C14orf93: variants seen among roughly 807,000 people sequenced by gnomAD.
The protein encoded by C14orf93 is chromosome 14 open reading frame 93.
In C14orf93, 23 loss-of-function variants were observed where a neutral mutation model predicts 44.0. The observed-to-expected ratio is 0.52, with a 90% confidence interval of 0.38 to 0.74. C14orf93 has a LOEUF of 0.74. Ranked by LOEUF, C14orf93 falls within the 30% of genes least tolerant of loss-of-function variation. C14orf93 has a pLI of 0.00. For synonymous variants in C14orf93, 253 were observed against 265.7 expected, an observed-to-expected ratio of 0.95 and a Z score of 0.46; for missense variants, 579 against 678.9, an observed-to-expected ratio of 0.85 and a Z score of 1.64.
rs1402891403 is a variant in C14orf93 at position 22,996,408 on chromosome 14, G to A, written c.598-140C>T. 3.6e-6 allele frequency: 3 copies of A among 834,362 alleles called. No homozygotes were observed. The highest frequency in any genetic ancestry group is 5.3e-6 in the Non-Finnish European group (3 of 561,752). The allele number at this position is 834,362 out of a possible 1,614,324, so 51.7% of individuals were successfully genotyped here. ...CACAGTCTTTAATGGTCAATGGCTT[G>A]TTTCTCTGGGACTCCTATGAGTGTT... On this transcript the variant is annotated intron_variant, in intron 2 of 6. Transcript: ENST00000299088. This position sits in a 1 kb window ranked among gnomAD's most constrained non-coding sequence, Gnocchi z 4.1.
rs970506208 is a variant in C14orf93, at chr14:22,996,291, C to G, written c.598-23G>C. 14 of 1,520,850 alleles carry G rather than the reference C, an allele frequency of 9.2e-6. No homozygotes were observed. Among genetic ancestry groups the G allele is most frequent in the Non-Finnish European group, 1.2e-5 (14 of 1,131,492 alleles). The allele number at this position is 1,520,850 out of a possible 1,614,324, so 94.2% of individuals were successfully genotyped here. On this transcript the variant is annotated intron_variant, in intron 2 of 6. Transcript: ENST00000299088. The surrounding 1 kb of genome is among the most constrained non-coding windows in gnomAD (Gnocchi z 4.1). ...CAGCTAAGAACATAAAAAATAATAG[C>G]CTATTAGCCAGCCAGGCTTAGGGGA...
chr14:23,005,882 G>C (rs2046598054), intron 1 of C14orf93: 1 of 152,108 alleles, frequency 6.6e-6, no homozygotes. Flanking sequence ...ATTTTTGTTA[G>C]GACTAAATAT....
intron 3 of C14orf93, among the ~76,000 whole-genome samples, chr14:22,991,249 G>A (rs570356722): frequency 3.5e-4 from 52 of 150,064 alleles, no homozygotes; most frequent in Non-Finnish European, 5.9e-4. Flanking sequence ...TTTGCCAGCC[G>A]GGCGCGGTGG....
Position 22,996,395 on chromosome 14 carries a change from T to C in C14orf93, c.598-127A>G, listed in dbSNP as rs2045977214. 4.3e-6 allele frequency: 4 copies of C among 931,180 alleles called. No individual in the cohort carries two copies. The highest frequency in any genetic ancestry group is 1.9e-5 in the South Asian group (1 of 53,346). 57.7% of individuals were successfully genotyped at this position (931,180 alleles called of 1,614,324 possible). On this transcript the variant is annotated intron_variant, in intron 2 of 6. Transcript: ENST00000299088. The surrounding 1 kb of genome is among the most constrained non-coding windows in gnomAD (Gnocchi z 4.1). ...AGGGGAACTCTAGCACAGTCTTTAATGGTCAATGGCTTGTTTCTCTGGGAC... is the reference window on the plus strand; with the variant it reads ...AGGGGAACTCTAGCACAGTCTTTAACGGTCAATGGCTTGTTTCTCTGGGAC...
At chr14:22,998,404 T>G in intron 2 of C14orf93, 23 bp downstream of exon 2, 1 of 1,499,002 alleles carries the variant, frequency 6.7e-7, no homozygotes, top group Non-Finnish European at 8.9e-7. Flanking sequence ...CTAGGAGGAA[T>G]AGCCCTCTGC....
chr14:22,988,818 C>A (rs1455683696), intron 5 of C14orf93, among the ~76,000 whole-genome samples: 1 of 152,132 alleles, frequency 6.6e-6, no homozygotes, highest in Non-Finnish European at 1.5e-5. Context: ...TGGTGGCTCA[C>A]ACCTGTAATC....
intron 1 of C14orf93, among the ~76,000 whole-genome samples, chr14:23,008,781 C>A (rs1362754553): frequency 2.0e-5 from 3 of 152,230 alleles, no homozygotes; most frequent in Non-Finnish European, 4.4e-5. Flanking sequence ...AAATGAGAAG[C>A]TTTCCATTCT....
intron 5 of C14orf93, 81 bp from the exon 6 acceptor site, chr14:22,988,096 ATTG>A: frequency 1.2e-6 from 1 of 849,754 alleles, no homozygotes; most frequent in South Asian, 1.5e-5. Flanking sequence ...CCCTAACACT[ATTG>A]AATGGGAGGT....
rs1408158650 is a variant in C14orf93 at position 22,989,861 on chromosome 14, G to A, written c.981-16C>T. The A allele has an allele frequency of 1.2e-6, 2 of 1,604,368 alleles. No homozygotes were observed. Among genetic ancestry groups the A allele is most frequent in the Admixed American group, 1.7e-5 (1 of 59,980 alleles). On this transcript the variant is annotated splice_polypyrimidine_tract_variant and intron_variant, in intron 4 of 6. Coordinates refer to ENST00000299088, the MANE Select transcript of C14orf93 (RefSeq NM_021944.4). ...GGACTTGATGCTGCCACAAAGAGAA[G>A]AGAATGAATAAAGTTGTCGGCTTTG...
At chr14:23,004,273 C>T (rs1224025458) in intron 1 of C14orf93, among the ~76,000 whole-genome samples, 2 of 151,078 alleles carry the variant, frequency 1.3e-5, no homozygotes, top group South Asian at 2.1e-4. Flanking sequence ...TGCAGTGGCA[C>T]GATTTCGGCT....
intron 1 of C14orf93, chr14:23,001,108 T>C (rs2046269072): frequency 6.6e-6 from 1 of 152,244 alleles, no homozygotes; most frequent in Admixed American, 6.5e-5. Flanking sequence ...AATTTATAGA[T>C]GAATCACTTA....
chr14:23,006,572 G>A (rs1160374235), intron 1 of C14orf93: 1 of 152,182 alleles, frequency 6.6e-6, no homozygotes. Flanking sequence ...TTTCAGGTTT[G>A]CCTAAAGGAC....
chr14:22,997,224 G>C (rs2046036257), intron 2 of C14orf93, among the ~76,000 whole-genome samples: 1 of 152,162 alleles, frequency 6.6e-6, no homozygotes, highest in Non-Finnish European at 1.5e-5. Flanking sequence ...CACAGACTGG[G>C]GTGAGCAGCA....
intron 5 of C14orf93, 100 bp from the exon 6 acceptor site, chr14:22,988,115 A>C: frequency 1.4e-6 from 1 of 739,834 alleles, no homozygotes; most frequent in Non-Finnish European, 2.3e-6. Context: ...GAGGTTGGCG[A>C]TCACTACTTA....
chr14:22,998,274 C>T, intron 2 of C14orf93, 153 bp downstream of exon 2: 1 of 1,134,456 alleles, frequency 8.8e-7, no homozygotes, highest in Non-Finnish European at 1.2e-6. Flanking sequence ...ATAGAGCTGA[C>T]TATCCCTGAA....
Position 22,988,057 on chromosome 14 carries a change from T to C in C14orf93, c.1085-42A>G. The stretch of plus-strand genomic sequence containing the variant: ...GAAGGGAGCAAGAAGGAGGGTCCTC[T>C]GAGTAGTGGTCCCCAGCCCGTTTTT... On this transcript the variant is annotated intron_variant, in intron 5 of 6. Transcript: ENST00000299088. The C allele has an allele frequency of 2.8e-6, 4 of 1,408,404 alleles. No homozygotes were observed. In the South Asian group the frequency reaches 4.7e-5, roughly 16 times the overall value. 87.2% of individuals were successfully genotyped at this position (1,408,404 alleles called of 1,614,324 possible).
At chr14:22,997,233 C>T (rs2046036701) in intron 2 of C14orf93, among the ~76,000 whole-genome samples, 1 of 152,170 alleles carries the variant, frequency 6.6e-6, no homozygotes, top group East Asian at 1.9e-4. Flanking sequence ...GGGTGAGCAG[C>T]AGTGGCCATT....
In C14orf93 at chr14:22,998,717, C is replaced by G; in HGVS notation, c.307G>C (p.Gly103Arg). Residue 103 changes from glycine to arginine, a missense_variant, in exon 2 of 7, where the codon GGG (glycine) becomes CGG (arginine). Coordinates refer to ENST00000299088, the MANE Select transcript of C14orf93 (RefSeq NM_021944.4). The part of the protein sequence containing the change: ...LQEEVGDLRQ[G>R]KVSIPDEDGE... ...TCTTCATCAGGGATGGACACTTTCC[C>G]TTGCCTCAGGTCACCCACTTCCTCC... 1 of 1,614,254 alleles carries G rather than the reference C, an allele frequency of 6.2e-7. No homozygotes were observed. The highest frequency in any genetic ancestry group is 1.3e-5 in the African/African-American group (1 of 75,058).
Position 22,999,330 on chromosome 14 carries a change from G to A in C14orf93, c.-307C>T. On this transcript the variant is annotated 5_prime_UTR_variant, in exon 2 of 7. It introduces an in-frame stop codon into an upstream open reading frame of the 5' UTR. Coordinates refer to ENST00000299088, the MANE Select transcript of C14orf93 (RefSeq NM_021944.4). The stretch of plus-strand genomic sequence containing the variant: ...TCAGACGGTAGAGAGCATTCCTTCT[G>A]CCCCCCAGCATGGAACCCCCGACTA... The A allele has an allele frequency of 4.1e-6, 1 of 242,486 alleles. No individual in the cohort carries two copies. The highest frequency in any genetic ancestry group is 1.0e-4 in the South Asian group (1 of 9,666). 15.0% of individuals were successfully genotyped at this position (242,486 alleles called of 1,614,324 possible). A position where few individuals can be genotyped will look rare whatever the true frequency, so the allele number is the denominator to read the frequency against.
Sources: allele counts gnomAD v4.1 joint callset (sites outside exome capture counted in the v4.1 genomes callset), GRCh38; gene constraint gnomAD v4.1.1; non-coding constraint Gnocchi (gnomAD v3.1); transcripts MANE v1.5; gene names NCBI Gene and HGNC (gene_info 2026-07-23, HGNC 2026-07-21).